The following RGMA variants were observed in gnomAD, a reference collection of about 807,000 sequenced individuals.
The protein encoded by RGMA is repulsive guidance molecule BMP co-receptor a.
Under a neutral mutation model 23.2 loss-of-function variants are expected in RGMA, and 10 were observed. That is an observed-to-expected ratio of 0.43 (90% CI 0.27 to 0.73). The LOEUF (loss-of-function observed/expected upper bound fraction) is 0.73, where lower values mean the gene tolerates loss of function less well. Ranked by LOEUF, RGMA falls within the 30% of genes least tolerant of loss-of-function variation. The pLI is 0.20. For synonymous variants in RGMA, 308 were observed against 279.3 expected (o/e 1.10, Z -1.03); for missense variants, 547 against 630.5 (o/e 0.87, Z 1.42).
At chr15:93,071,159 A>G (rs541829493) in intron 2 of RGMA, among the ~76,000 whole-genome samples, 8 of 152,372 alleles carry the variant, frequency 5.3e-5, no homozygotes, top group Admixed American at 5.2e-4. Flanking sequence ...AAAGCCATTT[A>G]TCAACCCATC....
chr15:93,062,935 G>A, intron 2 of RGMA: 1 of 152,378 alleles, frequency 6.6e-6, no homozygotes, highest in East Asian at 1.9e-4. Context: ...CCCCTCTGCG[G>A]AAACATCCCG....
In RGMA at chr15:93,071,414, T is replaced by C. The variant is rs146875421; in HGVS notation, c.130+1502A>G. Among the ~76,000 whole-genome samples the C allele has an allele frequency of 3.9e-3, 591 of 152,288 alleles. 2 individuals are homozygous for C. The highest frequency in any genetic ancestry group is 0.013 in the African/African-American group (553 of 41,548). ...TGCTGTTTGATCCCCTGCGGAGGTT[T>C]TGACATTCCAAGCTGAGTACTTTTT... On this transcript the variant is annotated intron_variant, in intron 2 of 3. Coordinates refer to ENST00000329082, the MANE Select transcript of RGMA (RefSeq NM_020211.3).
intron 2 of RGMA, among the ~76,000 whole-genome samples, chr15:93,070,827 T>A (rs948831830): frequency 2.0e-5 from 3 of 152,096 alleles, no homozygotes; most frequent in African/African-American, 4.8e-5. Context: ...AAGAAATGGG[T>A]TTCTTGGAAA....
intron 3 of RGMA, among the ~76,000 whole-genome samples, chr15:93,049,764 G>A (rs2054887683): frequency 6.6e-6 from 1 of 152,236 alleles, no homozygotes; most frequent in Non-Finnish European, 1.5e-5. Flanking sequence ...ACACACTCTG[G>A]GAAGCCTGAG....
intron 2 of RGMA, among the ~76,000 whole-genome samples, chr15:93,056,752 C>G (rs1477834059): frequency 6.6e-6 from 1 of 152,214 alleles, no homozygotes; most frequent in Non-Finnish European, 1.5e-5. Context: ...TGTCCCCTAC[C>G]AGTAGTTTCG....
At chr15:93,069,361 C>T (rs1446229440) in intron 2 of RGMA, among the ~76,000 whole-genome samples, 3 of 152,188 alleles carry the variant, frequency 2.0e-5, no homozygotes, top group East Asian at 1.9e-4. Context: ...CCACCCACCT[C>T]GGCCTCTCAA....
chr15:93,088,611 G>A (rs570771005), intron 1 of RGMA: 3 of 1,055,482 alleles, frequency 2.8e-6, no homozygotes, highest in Middle Eastern at 4.0e-4. Flanking sequence ...GAGCCGGGCT[G>A]AGGGAAGGAG....
intron 1 of RGMA, among the ~76,000 whole-genome samples, chr15:93,075,970 G>A (rs1359783792): frequency 6.6e-6 from 1 of 152,190 alleles, no homozygotes; most frequent in Non-Finnish European, 1.5e-5. Flanking sequence ...GAGGAATCTA[G>A]CTATACTGGC....
chr15:93,088,700 T>C (rs1895684033), intron 1 of RGMA: 2 of 753,666 alleles, frequency 2.7e-6, no homozygotes, highest in South Asian at 2.3e-5. Flanking sequence ...CGGGGGAGAG[T>C]ATTTTAGGAA....
At position 93,041,238 on chromosome 15, in the gene RGMA, A is replaced by G. The variant is rs1351208613; in HGVS notation, c.*3760T>C. The stretch of plus-strand genomic sequence containing the variant: ...CCTTGCACATTCTGGTTAGCTAAAC[A>G]AGAACTCCAGTTCTCGGCAACACAT... On this transcript the variant is annotated 3_prime_UTR_variant, in exon 4 of 4. Transcript: ENST00000329082. 2.6e-5 allele frequency: 4 copies of G among 151,558 alleles called. No homozygotes were observed. Among genetic ancestry groups the G allele is most frequent in the Non-Finnish European group, 5.9e-5 (4 of 68,002 alleles). 9.4% of individuals were successfully genotyped at this position (151,558 alleles called of 1,614,324 possible). A position where few individuals can be genotyped will look rare whatever the true frequency, so the allele number is the denominator to read the frequency against.
intron 2 of RGMA, chr15:93,066,499 C>T (rs530924439): frequency 2.1e-5 from 11 of 514,602 alleles, no homozygotes; most frequent in East Asian, 2.0e-4. Flanking sequence ...ATCCCAGCAG[C>T]GGGGCCCGAG....
chr15:93,073,165 TCCCGCGCCGCCCCCCGCGCGCCCCTC>T (rs1895394610), intron 1 of RGMA, 134 bp from the exon 2 acceptor site: 4 of 1,184,674 alleles, frequency 3.4e-6, no homozygotes, highest in Non-Finnish European at 4.2e-6. Flanking sequence ...GCGCTCCCCT[TCCCGCGCCGCCCCCCGCGCGCCCCTC>T]CCTCGCCATC....
chr15:93,066,589 C>T (rs1895161668), intron 2 of RGMA: 3 of 460,282 alleles, frequency 6.5e-6, no homozygotes, highest in Non-Finnish European at 1.3e-5. Context: ...ACCACCGCTA[C>T]CACCCCGGGC....
Position 93,045,654 on chromosome 15 carries a change from G to A in RGMA, c.697C>T (p.Gln233Ter). The A allele has an allele frequency of 6.2e-7, 1 of 1,609,652 alleles. No individual in the cohort carries two copies. The highest frequency in any genetic ancestry group is 2.2e-5 in the East Asian group (1 of 44,858). Residue 233 changes from glutamine (Q) to a stop codon, truncating the protein, a stop_gained, in exon 4 of 4, where the codon CAG (glutamine) becomes TAG (stop). Coordinates refer to ENST00000329082, the MANE Select transcript of RGMA (RefSeq NM_020211.3). LOFTEE classifies it high-confidence loss of function. The surrounding 1 kb of genome is among the most constrained non-coding windows in gnomAD (Gnocchi z 6.9). Reference protein sequence around the residue: ...FQECVDQKVYQAEMDELPAAF... With the variant: ...FQECVDQKVY ...GCCGGGAGCTCGTCCATCTCAGCCT[G>A]GTACACCTTCTGGTCCACACACTCC...
Position 93,044,652 on chromosome 15 carries a change from G to A in RGMA, c.*346C>T, listed in dbSNP as rs1461493640. ...GCCGGGCCTTTCAGTGCATTGCGAG[G>A]GGGAAGGAGCTGACTCTGACGGTTC... is the stretch of plus-strand genomic sequence containing the variant. On this transcript the variant is annotated 3_prime_UTR_variant, in exon 4 of 4. Transcript: ENST00000329082. 1 of 354,754 alleles carries A rather than the reference G, an allele frequency of 2.8e-6. No individual in the cohort carries two copies. Among genetic ancestry groups the A allele is most frequent in the Non-Finnish European group, 5.2e-6 (1 of 192,070 alleles). The allele number at this position is 354,754 out of a possible 1,614,324, so 22.0% of individuals were successfully genotyped here.
intron 2 of RGMA, among the ~76,000 whole-genome samples, chr15:93,056,281 G>T (rs941031092): frequency 4.6e-5 from 7 of 152,236 alleles, no homozygotes; most frequent in African/African-American, 1.7e-4. Context: ...GGGGCTGGTG[G>T]CGAAGTTTCA....
intron 2 of RGMA, among the ~76,000 whole-genome samples, chr15:93,054,463 C>T (rs1197280937): frequency 1.3e-5 from 2 of 150,836 alleles, no homozygotes; most frequent in Non-Finnish European, 3.0e-5. Context: ...TCATTTCCCC[C>T]ATACTGTTCT....
At chr15:93,088,518 C>T in intron 1 of RGMA, 2 of 997,414 alleles carry the variant, frequency 2.0e-6, no homozygotes, top group Non-Finnish European at 2.4e-6. Flanking sequence ...GGGCGTCGAG[C>T]GGGAGGCGGG....
Position 93,036,145 on chromosome 15 carries a change from G to A in RGMA, c.*8853C>T, listed in dbSNP as rs1049875288. The A allele has an allele frequency of 6.6e-6, 1 of 152,194 alleles. No homozygotes were observed. Among genetic ancestry groups the A allele is most frequent in the Non-Finnish European group, 1.5e-5 (1 of 68,042 alleles). The allele number at this position is 152,194 out of a possible 1,614,324, so 9.4% of individuals were successfully genotyped here. On this transcript the variant is annotated 3_prime_UTR_variant, in exon 4 of 4. Coordinates refer to ENST00000329082, the MANE Select transcript of RGMA (RefSeq NM_020211.3). ...CACCACTAGAGGTCAGTCCCGTGAGGGCGGGCACATTCATTCGAGCGACCA... is the reference window on the plus strand; with the variant it reads ...CACCACTAGAGGTCAGTCCCGTGAGAGCGGGCACATTCATTCGAGCGACCA...
Sources: gnomAD v4.1 joint callset for allele counts (sites outside exome capture counted in the v4.1 genomes callset) on GRCh38, gnomAD v4.1.1 for gene constraint, Gnocchi (gnomAD v3.1) non-coding constraint, MANE v1.5 for transcripts, NCBI Gene and HGNC (gene_info 2026-07-23, HGNC 2026-07-21) for gene names.